Variants in STRIP2 observed in about 807,000 individuals in gnomAD.
STRIP2 encodes the protein striatin-interacting protein 2.
Under a neutral mutation model 107.1 loss-of-function variants are expected in STRIP2, and 84 were observed. The observed-to-expected ratio is 0.78, with a 90% CI of 0.66 to 0.94. STRIP2 has a LOEUF of 0.94. STRIP2 is among the 40% of genes least tolerant of loss of function. The pLI is 0.00. For missense variants in STRIP2, 888 were observed against 1,034.2 expected (o/e 0.86, Z 1.94); for synonymous variants, 394 against 400.4 (o/e 0.98, Z 0.19).
Position 129,485,964 on chromosome 7 carries a change from G to C in STRIP2, c.*135G>C. 6.1e-6 allele frequency: 6 copies of C among 990,934 alleles called. No individual in the cohort carries two copies. Among genetic ancestry groups the C allele is most frequent in the Non-Finnish European group, 8.9e-6 (6 of 675,706 alleles). The allele number at this position is 990,934 out of a possible 1,614,324, so 61.4% of individuals were successfully genotyped here. ...CTCTTGGGCCTAAAGATGGTGCAAGGGTGGGATCCTGAATCACAATAAAAT... is the reference window on the plus strand; with the variant it reads ...CTCTTGGGCCTAAAGATGGTGCAAGCGTGGGATCCTGAATCACAATAAAAT... On this transcript the variant is annotated 3_prime_UTR_variant, in exon 21 of 21. Coordinates refer to ENST00000249344, the MANE Select transcript of STRIP2 (RefSeq NM_020704.3).
chr7:129,470,551 G>T, intron 17 of STRIP2, 98 bp from the exon 18 acceptor site: 1 of 989,552 alleles, frequency 1.0e-6, no homozygotes, highest in Non-Finnish European at 1.6e-6. Flanking sequence ...AAATGGATAG[G>T]GGCTGCTGGA....
chr7:129,482,377 A>T (rs7780179), intron 19 of STRIP2, among the ~76,000 whole-genome samples: 37,505 of 69,800 alleles, frequency 0.54, 11,662 homozygotes, highest in East Asian at 0.93. Context: ...ATATATATAT[A>T]TTTTTTTTTT....
At chr7:129,445,930 C>T (rs1798021874) in intron 3 of STRIP2, among the ~76,000 whole-genome samples, 1 of 152,176 alleles carries the variant, frequency 6.6e-6, no homozygotes. Flanking sequence ...TGAGGACAAA[C>T]CTCTGCCCTT....
At chr7:129,449,401 G>A (rs1403557850) in intron 3 of STRIP2, among the ~76,000 whole-genome samples, 2 of 152,188 alleles carry the variant, frequency 1.3e-5, no homozygotes, top group Non-Finnish European at 2.9e-5. Context: ...GGTGTTGAGG[G>A]TAGCTTCTGA....
intron 3 of STRIP2, among the ~76,000 whole-genome samples, chr7:129,445,917 T>C (rs1798021645): frequency 6.6e-6 from 1 of 152,184 alleles, no homozygotes; most frequent in African/African-American, 2.4e-5. Context: ...GTGTCTATTC[T>C]AGTGAGGACA....
At chr7:129,453,902 A>G (rs1037506394) in intron 5 of STRIP2, among the ~76,000 whole-genome samples, 1 of 152,168 alleles carries the variant, frequency 6.6e-6, no homozygotes, top group Admixed American at 6.5e-5. Context: ...AGTTCTAAGC[A>G]TAGTGGGGAA....
chr7:129,464,254 C>A (rs759569404), intron 15 of STRIP2, 113 bp downstream of exon 15: 3 of 809,590 alleles, frequency 3.7e-6, no homozygotes, highest in Non-Finnish European at 6.1e-6. Flanking sequence ...AAGAGATCTC[C>A]CCGTCTCTGC....
chr7:129,465,526 A>G (rs1411621259), intron 16 of STRIP2, among the ~76,000 whole-genome samples: 1 of 152,230 alleles, frequency 6.6e-6, no homozygotes, highest in African/African-American at 2.4e-5. Context: ...GCAAATCATA[A>G]TCTATATGCT....
chr7:129,470,771 T>A, intron 18 of STRIP2, 56 bp downstream of exon 18: 1 of 1,479,694 alleles, frequency 6.8e-7, no homozygotes, highest in Non-Finnish European at 9.4e-7. Flanking sequence ...CAGGTTGGCA[T>A]TTGCTCTTTC....
intron 18 of STRIP2, among the ~76,000 whole-genome samples, chr7:129,475,436 C>G (rs1482454225): frequency 6.6e-6 from 1 of 151,346 alleles, no homozygotes; most frequent in Non-Finnish European, 1.5e-5. Flanking sequence ...GGAAGGTCAG[C>G]AGACAAACAA....
intron 18 of STRIP2, among the ~76,000 whole-genome samples, chr7:129,470,939 G>C: frequency 6.6e-6 from 1 of 152,204 alleles, no homozygotes; most frequent in East Asian, 1.9e-4. Flanking sequence ...AGAGGAAACA[G>C]CCAGTGAAAA....
At chr7:129,456,752 GC>G in intron 9 of STRIP2, 110 bp downstream of exon 9, 1 of 1,045,184 alleles carries the variant, frequency 9.6e-7, no homozygotes, top group Non-Finnish European at 1.4e-6. Flanking sequence ...GGCTCATCCT[GC>G]CCAGGTTGGC....
chr7:129,459,787 C>T (rs1279850302), intron 12 of STRIP2, among the ~76,000 whole-genome samples: 6 of 152,106 alleles, frequency 3.9e-5, no homozygotes, highest in Non-Finnish European at 7.4e-5. Context: ...TTAAAATTCT[C>T]CTTTCTTCCT....
intron 2 of STRIP2, among the ~76,000 whole-genome samples, chr7:129,442,150 G>T (rs952761722): frequency 5.8e-4 from 88 of 152,082 alleles, no homozygotes; most frequent in African/African-American, 2.1e-3. Flanking sequence ...GCCTGAACCT[G>T]GGAGGCAGAG....
intron 16 of STRIP2, among the ~76,000 whole-genome samples, chr7:129,465,344 G>T (rs1798646075): frequency 6.6e-6 from 1 of 152,160 alleles, no homozygotes; most frequent in African/African-American, 2.4e-5. Flanking sequence ...TGTTAGGGAA[G>T]GAGGACAGGA....
At chr7:129,485,478 T>C in intron 20 of STRIP2, 101 bp from the exon 21 acceptor site, 3 of 1,308,740 alleles carry the variant, frequency 2.3e-6, no homozygotes, top group South Asian at 3.0e-5. Flanking sequence ...AAAAAGAATT[T>C]CTGAGCAGTT....
chr7:129,437,807 T>G (rs1025265858), intron 1 of STRIP2, among the ~76,000 whole-genome samples: 14 of 151,064 alleles, frequency 9.3e-5, no homozygotes, highest in Non-Finnish European at 2.1e-4. Context: ...CCTTGTTTTT[T>G]TTTGTTTTTT....
rs544414370 is a variant in STRIP2, at chr7:129,438,241, T to C, written c.130-1781T>C. ...ATCTATGCTTAGGAAATATCCTAAA[T>C]ATAGAAAAAAGTGTAAGTCTATTAC... On this transcript the variant is annotated intron_variant, in intron 1 of 20. Coordinates refer to ENST00000249344, the MANE Select transcript of STRIP2 (RefSeq NM_020704.3). Among the ~76,000 whole-genome samples, 14 of 152,268 alleles carry C rather than the reference T, an allele frequency of 9.2e-5. No homozygotes were observed. In the South Asian group the frequency reaches 2.5e-3, roughly 27 times the overall value.
chr7:129,438,025 T>C (rs971950296), intron 1 of STRIP2, among the ~76,000 whole-genome samples: 1 of 152,192 alleles, frequency 6.6e-6, no homozygotes, highest in Non-Finnish European at 1.5e-5. Context: ...CAGGATGGTC[T>C]CGATCTCCTG....
Sources: allele counts gnomAD v4.1 joint callset (sites outside exome capture counted in the v4.1 genomes callset), GRCh38; gene constraint gnomAD v4.1.1; transcripts MANE v1.5; gene names NCBI Gene and HGNC (gene_info 2026-07-23, HGNC 2026-07-21).